The following BTLA variants were observed in gnomAD, a reference collection of about 807,000 sequenced individuals.
BTLA encodes B and T lymphocyte associated, also known as B- and T-lymphocyte attenuator.
BTLA carries 11 observed loss-of-function variants against 25.0 expected under a neutral mutation model. The observed-to-expected ratio is 0.44, with a 90% confidence interval of 0.28 to 0.73. The LOEUF (loss-of-function observed/expected upper bound fraction) is 0.73, where lower values mean the gene tolerates loss of function less well. Ranked by LOEUF, BTLA falls within the 30% of genes least tolerant of loss-of-function variation. BTLA has a pLI of 0.15. For missense variants in BTLA, 282 were observed against 332.8 expected (o/e 0.85, Z 1.19); for synonymous variants, 104 against 119.8 (o/e 0.87, Z 0.86).
chr3:112,489,007 T>C (rs893532871), intron 1 of BTLA, among the ~76,000 whole-genome samples: 9 of 152,128 alleles, frequency 5.9e-5, no homozygotes, highest in Admixed American at 5.2e-4. Flanking sequence ...TTCTATGTAG[T>C]ACTGGTTGCA....
At chr3:112,481,485 G>A (rs1054769380) in intron 1 of BTLA, among the ~76,000 whole-genome samples, 12 of 152,212 alleles carry the variant, frequency 7.9e-5, no homozygotes, top group Non-Finnish European at 1.6e-4. Flanking sequence ...CAGCTAAGGA[G>A]CACTGTGCTG....
intron 4 of BTLA, 90 bp downstream of exon 4, chr3:112,469,668 G>GGCACAT: frequency 1.4e-6 from 1 of 702,220 alleles, no homozygotes; most frequent in Non-Finnish European, 2.2e-6. Context: ...AATAATGCCT[G>GGCACAT]GCACATGGTG....
chr3:112,482,370 C>T (rs1306624457), intron 1 of BTLA, among the ~76,000 whole-genome samples: 2 of 152,210 alleles, frequency 1.3e-5, no homozygotes, highest in East Asian at 3.8e-4. Context: ...CAGCTAAAGG[C>T]CTTGCCTGTG....
At chr3:112,491,207 A>G (rs972438565) in intron 1 of BTLA, among the ~76,000 whole-genome samples, 36 of 152,312 alleles carry the variant, frequency 2.4e-4, no homozygotes, top group African/African-American at 8.4e-4. Flanking sequence ...CAGATGCCCA[A>G]TGGAAAGTTT....
At chr3:112,485,166 TC>T (rs1253679742) in intron 1 of BTLA, among the ~76,000 whole-genome samples, 1 of 152,086 alleles carries the variant, frequency 6.6e-6, no homozygotes, top group Non-Finnish European at 1.5e-5. Context: ...TGCCTCAGCC[TC>T]CCCGGTGGCT....
rs1370177301 is a variant in BTLA, at chr3:112,464,740, T to C, written c.*1368A>G. Reference sequence around the variant, plus strand: ...TTGAGCTTCATAAGCAAACTGAAAATATAATGTCAATTTGATCAGTTTCTC... The same window carrying C: ...TTGAGCTTCATAAGCAAACTGAAAACATAATGTCAATTTGATCAGTTTCTC... On this transcript the variant is annotated 3_prime_UTR_variant, in exon 5 of 5. Transcript: ENST00000334529. 3 of 151,978 alleles carry C rather than the reference T, an allele frequency of 2.0e-5. No homozygotes were observed. The highest frequency in any genetic ancestry group is 7.3e-5 in the African/African-American group (3 of 41,356). 9.4% of individuals were successfully genotyped at this position (151,978 alleles called of 1,614,324 possible). A position where few individuals can be genotyped will look rare whatever the true frequency, so the allele number is the denominator to read the frequency against.
intron 1 of BTLA, among the ~76,000 whole-genome samples, chr3:112,489,273 G>C (rs2107333835): frequency 6.6e-6 from 1 of 152,176 alleles, no homozygotes; most frequent in East Asian, 1.9e-4. Flanking sequence ...ACAAACAACT[G>C]TATAGTCTCG....
At chr3:112,489,721 GACAA>G (rs1417430486) in intron 1 of BTLA, among the ~76,000 whole-genome samples, 1 of 152,154 alleles carries the variant, frequency 6.6e-6, no homozygotes, top group Non-Finnish European at 1.5e-5. Flanking sequence ...TACTATCACA[GACAA>G]ACAACAAGCA....
chr3:112,466,079 A>T lies in BTLA; in HGVS notation c.*29T>A. The T allele has an allele frequency of 6.5e-7, 1 of 1,532,878 alleles. No homozygotes were observed. Among genetic ancestry groups the T allele is most frequent in the Non-Finnish European group, 8.8e-7 (1 of 1,131,812 alleles). 95.0% of individuals were successfully genotyped at this position (1,532,878 alleles called of 1,614,324 possible). A position where few individuals can be genotyped will look rare whatever the true frequency, so the allele number is the denominator to read the frequency against. ...AATGATGTCAACATGCTGATCATTC[A>T]ATGGTCCCTGTTGGAGTCAGAAACA... is the stretch of plus-strand genomic sequence containing the variant. On this transcript the variant is annotated 3_prime_UTR_variant, in exon 5 of 5. Transcript: ENST00000334529.
chr3:112,481,833 T>A (rs1337361847), intron 1 of BTLA, among the ~76,000 whole-genome samples: 1 of 152,176 alleles, frequency 6.6e-6, no homozygotes, highest in African/African-American at 2.4e-5. Flanking sequence ...TTTTAAGTCA[T>A]TTTTTTCCCT....
chr3:112,473,195 G>T (rs1430317143), intron 2 of BTLA, among the ~76,000 whole-genome samples: 1 of 151,838 alleles, frequency 6.6e-6, no homozygotes, highest in East Asian at 1.9e-4. Context: ...TGATGAGGGT[G>T]TACTCTCACG....
At chr3:112,478,754 T>C (rs890235256) in intron 2 of BTLA, among the ~76,000 whole-genome samples, 1 of 152,172 alleles carries the variant, frequency 6.6e-6, no homozygotes, top group Non-Finnish European at 1.5e-5. Flanking sequence ...ATGTTGGCTA[T>C]AAAATTTTTA....
At chr3:112,492,863 A>G (rs974684505) in intron 1 of BTLA, among the ~76,000 whole-genome samples, 13 of 152,214 alleles carry the variant, frequency 8.5e-5, no homozygotes, top group Admixed American at 6.5e-4. Flanking sequence ...TGCTTATAAG[A>G]TGAACATGGT....
intron 1 of BTLA, among the ~76,000 whole-genome samples, chr3:112,487,270 T>C (rs554858234): frequency 1.3e-5 from 2 of 152,306 alleles, no homozygotes; most frequent in South Asian, 4.1e-4. Context: ...TTGTTCATGT[T>C]TGCTAGTATG....
intron 4 of BTLA, 41 bp downstream of exon 4, chr3:112,469,717 A>G: frequency 6.4e-7 from 1 of 1,553,248 alleles, no homozygotes. Context: ...AACACAGTAT[A>G]ACACAAATTG....
intron 1 of BTLA, among the ~76,000 whole-genome samples, chr3:112,480,227 C>A (rs1443532284): frequency 6.6e-6 from 1 of 152,198 alleles, no homozygotes; most frequent in Admixed American, 6.5e-5. Context: ...AGATCCACCC[C>A]CTGCCCCCAA....
At chr3:112,469,869 C>A in intron 3 of BTLA, 65 bp from the exon 4 acceptor site, 1 of 1,332,994 alleles carries the variant, frequency 7.5e-7, no homozygotes, top group East Asian at 2.4e-5. Flanking sequence ...AACCACCTTG[C>A]CACCCATGCT....
Position 112,466,223 on chromosome 3 carries a change from T to G in BTLA, c.755A>C (p.Lys252Thr). ...VYSNPCLEENKPGIVYASLNH... is the reference protein window; with the variant it reads ...VYSNPCLEENTPGIVYASLNH... ...CAGGGAAGCATAAACAATGCCTGGT[T>G]TGTTTTCTTCCAGGCATGGATTAGA... The change falls in exon 5 of 5, where the codon AAA becomes ACA. Residue 252 changes from lysine to threonine, a missense_variant. By Grantham distance (78) the Lys-to-Thr change is moderately conservative (BLOSUM62 -1). Transcript: ENST00000334529. 6.2e-7 allele frequency: 1 copy of G among 1,614,102 alleles called. No individual in the cohort carries two copies. Among genetic ancestry groups the G allele is most frequent in the Non-Finnish European group, 8.5e-7 (1 of 1,179,976 alleles).
At chr3:112,472,558 G>A (rs966166059) in intron 2 of BTLA, among the ~76,000 whole-genome samples, 2 of 151,988 alleles carry the variant, frequency 1.3e-5, no homozygotes, top group Non-Finnish European at 2.9e-5. Flanking sequence ...TTAGCTGGGC[G>A]TGGTATGCAC....
Sources: allele counts gnomAD v4.1 joint callset (sites outside exome capture counted in the v4.1 genomes callset), GRCh38; gene constraint gnomAD v4.1.1; transcripts MANE v1.5; gene names NCBI Gene and HGNC (gene_info 2026-07-23, HGNC 2026-07-21).